Variants in RIMBP2 observed in about 807,000 individuals in gnomAD.
RIMBP2 encodes the protein RIMS binding protein 2, also known as RIMS-binding protein 2.
A neutral mutation model predicts 118.6 loss-of-function variants in RIMBP2; 48 were observed. That is an observed-to-expected ratio of 0.40 (90% CI 0.32 to 0.51). The LOEUF (loss-of-function observed/expected upper bound fraction) is 0.51, where lower values mean the gene tolerates loss of function less well. RIMBP2 is among the 20% of genes least tolerant of loss of function. RIMBP2 has a pLI of 0.41. For missense variants in RIMBP2, 1,551 were observed against 1,768.3 expected, an observed-to-expected ratio of 0.88 and a Z score of 2.20; for synonymous variants, 762 against 742.9, an observed-to-expected ratio of 1.03 and a Z score of -0.42.
chr12:130,486,381 T>C (rs2082478643), intron 4 of RIMBP2, among the ~76,000 whole-genome samples: 1 of 152,140 alleles, frequency 6.6e-6, no homozygotes, highest in African/African-American at 2.4e-5. Flanking sequence ...CACGGCTCTA[T>C]TTATACCATT....
chr12:130,504,293 G>C (rs1038313493), intron 4 of RIMBP2, among the ~76,000 whole-genome samples: 1 of 152,118 alleles, frequency 6.6e-6, no homozygotes, highest in African/African-American at 2.4e-5. Flanking sequence ...GCTGTGAGCC[G>C]GCCCTCAGGC....
intron 1 of RIMBP2, among the ~76,000 whole-genome samples, chr12:130,694,469 G>A (rs987115868): frequency 6.6e-6 from 1 of 152,168 alleles, no homozygotes; most frequent in Non-Finnish European, 1.5e-5. Flanking sequence ...ACTGCTGCTC[G>A]TGATCTCACC....
chr12:130,449,634 C>T (rs1015479128), intron 9 of RIMBP2, among the ~76,000 whole-genome samples: 2 of 152,092 alleles, frequency 1.3e-5, no homozygotes, highest in African/African-American at 4.8e-5. Flanking sequence ...ACTCATGGAC[C>T]AACCCCTGCA....
chr12:130,701,367 G>T (rs182100416), intron 1 of RIMBP2, among the ~76,000 whole-genome samples: 1 of 152,182 alleles, frequency 6.6e-6, no homozygotes, highest in South Asian at 2.1e-4. Context: ...TAAAAGCTAC[G>T]TGGCACTTTC....
At chr12:130,520,732 C>G (rs905737995) in intron 2 of RIMBP2, among the ~76,000 whole-genome samples, 5 of 151,530 alleles carry the variant, frequency 3.3e-5, no homozygotes, top group African/African-American at 9.7e-5. Context: ...CTAACGACCC[C>G]CTACCTCACA....
chr12:130,454,896 T>C (rs1417763951), intron 7 of RIMBP2, among the ~76,000 whole-genome samples: 1 of 152,214 alleles, frequency 6.6e-6, no homozygotes, highest in African/African-American at 2.4e-5. Context: ...CACTGGCTAG[T>C]GTCTGGAACT....
chr12:130,599,133 G>A (rs193159891), intron 2 of RIMBP2, among the ~76,000 whole-genome samples: 41 of 152,340 alleles, frequency 2.7e-4, no homozygotes, highest in African/African-American at 9.9e-4. Context: ...CACATCATAT[G>A]CAATAAGTAA....
chr12:130,557,897 C>T (rs73156921), intron 2 of RIMBP2, among the ~76,000 whole-genome samples: 17,827 of 152,230 alleles, frequency 0.12, 1,336 homozygotes, highest in Non-Finnish European at 0.18. Flanking sequence ...TCCCAGTGAG[C>T]AGCTGTGGCT....
intron 1 of RIMBP2, among the ~76,000 whole-genome samples, chr12:130,711,334 T>G (rs144017853): frequency 6.6e-6 from 1 of 152,312 alleles, no homozygotes; most frequent in East Asian, 1.9e-4. Context: ...CAGGGAAAAA[T>G]TAAGAAATGT....
At chr12:130,609,736 T>C (rs76361708) in intron 2 of RIMBP2, among the ~76,000 whole-genome samples, 6,303 of 152,038 alleles carry the variant, frequency 0.041, 190 homozygotes, top group Non-Finnish European at 0.067. Flanking sequence ...AAGCCAACGG[T>C]ATCGCTCCCA....
chr12:130,414,620 C>T (rs928374579), intron 17 of RIMBP2: 11 of 234,020 alleles, frequency 4.7e-5, no homozygotes, highest in Non-Finnish European at 9.2e-5. Flanking sequence ...CAGGATGGCC[C>T]ATGCTGGGGA....
At chr12:130,536,510 C>A (rs937908110) in intron 2 of RIMBP2, among the ~76,000 whole-genome samples, 1 of 152,158 alleles carries the variant, frequency 6.6e-6, no homozygotes, top group Admixed American at 6.5e-5. Flanking sequence ...CCCAACTGCA[C>A]GATAGTATCT....
chr12:130,656,882 C>T (rs1046080739), intron 1 of RIMBP2, among the ~76,000 whole-genome samples: 1 of 152,072 alleles, frequency 6.6e-6, no homozygotes, highest in Non-Finnish European at 1.5e-5. Flanking sequence ...GCACTCCAGC[C>T]TGGGCAACAG....
intron 4 of RIMBP2, among the ~76,000 whole-genome samples, chr12:130,500,495 C>G (rs1195386771): frequency 1.3e-5 from 2 of 152,122 alleles, no homozygotes; most frequent in African/African-American, 4.8e-5. Context: ...ATAAATAAGC[C>G]ATGTGTTGCT....
chr12:130,688,303 C>T lies in RIMBP2; in HGVS notation c.-352+27919G>A, dbSNP rs1444580947. 6.6e-6 allele frequency among the ~76,000 whole-genome samples: 1 copy of T among 152,178 alleles called. No individual in the cohort carries two copies. Among genetic ancestry groups the T allele is most frequent in the African/African-American group, 2.4e-5 (1 of 41,460 alleles). ...CCTCCTGCTGTTTCTGAACTCCTCA[C>T]CTCCAGCCTTTCTAGCCTCACTAGC... On this transcript the variant is annotated intron_variant, in intron 1 of 22. Transcript: ENST00000690449. This position sits in a 1 kb window ranked among gnomAD's most constrained non-coding sequence, Gnocchi z 4.7.
chr12:130,486,395 T>C (rs1243240162), intron 4 of RIMBP2, among the ~76,000 whole-genome samples: 4 of 152,076 alleles, frequency 2.6e-5, no homozygotes, highest in African/African-American at 9.7e-5. Flanking sequence ...TACCATTCCT[T>C]AGGTGATCTT....
chr12:130,508,604 C>A (rs772344414), intron 3 of RIMBP2, among the ~76,000 whole-genome samples: 9 of 151,972 alleles, frequency 5.9e-5, no homozygotes, highest in Non-Finnish European at 1.3e-4. Context: ...GCCTTCACCC[C>A]CTGCCTCCAT....
At chr12:130,660,866 G>A (rs1370974203) in intron 1 of RIMBP2, among the ~76,000 whole-genome samples, 2 of 152,198 alleles carry the variant, frequency 1.3e-5, no homozygotes, top group Non-Finnish European at 2.9e-5. Context: ...ATCATGGCCA[G>A]GCAGACTTGT....
chr12:130,678,878 T>C (rs2064633659), intron 1 of RIMBP2, among the ~76,000 whole-genome samples: 1 of 152,100 alleles, frequency 6.6e-6, no homozygotes, highest in Admixed American at 6.6e-5. Context: ...AGGCAGAACG[T>C]AGACCCATAG....
Sources: gnomAD v4.1 joint callset for allele counts (sites outside exome capture counted in the v4.1 genomes callset) on GRCh38, gnomAD v4.1.1 for gene constraint, Gnocchi (gnomAD v3.1) non-coding constraint, MANE v1.5 for transcripts, NCBI Gene and HGNC (gene_info 2026-07-23, HGNC 2026-07-21) for gene names.